The following MACROD2 variants were observed in gnomAD, a reference collection of about 807,000 sequenced individuals.
MACROD2 encodes ADP-ribose glycohydrolase MACROD2.
MACROD2 carries 36 observed loss-of-function variants against 70.4 expected under a neutral mutation model. That is an observed-to-expected ratio of 0.51 (90% CI 0.39 to 0.68). The LOEUF (loss-of-function observed/expected upper bound fraction) is 0.68, where lower values mean the gene tolerates loss of function less well. MACROD2 is among the 30% of genes least tolerant of loss of function. The probability of loss-of-function intolerance (pLI) is 0.00; values close to 1 mark genes in which losing one functional copy is unlikely to be tolerated. For missense variants in MACROD2, 496 were observed against 538.4 expected, an observed-to-expected ratio of 0.92 and a Z score of 0.78; for synonymous variants, 172 against 178.8, an observed-to-expected ratio of 0.96 and a Z score of 0.30.
At chr20:14,538,023 A>G (rs1258732232) in intron 4 of MACROD2, among the ~76,000 whole-genome samples, 1 of 152,188 alleles carries the variant, frequency 6.6e-6, no homozygotes, top group African/African-American at 2.4e-5. Context: ...GCTATTTGCT[A>G]TCTTTTCTCG....
At chr20:14,936,253 G>C (rs545091199) in intron 5 of MACROD2, among the ~76,000 whole-genome samples, 125 of 152,234 alleles carry the variant, frequency 8.2e-4, no homozygotes, top group Non-Finnish European at 1.1e-3. Context: ...AGAGATCTGG[G>C]AGAAGAGCAT....
chr20:15,605,453 CGT>C (rs57584580), intron 8 of MACROD2, among the ~76,000 whole-genome samples: 1,955 of 141,500 alleles, frequency 0.014, 14 homozygotes, highest in South Asian at 0.026. Context: ...AGGATGTAAG[CGT>C]GTGTGTGTGT....
chr20:14,934,597 GC>G (rs932836023), intron 5 of MACROD2, among the ~76,000 whole-genome samples: 4 of 152,108 alleles, frequency 2.6e-5, no homozygotes, highest in Non-Finnish European at 5.9e-5. Flanking sequence ...GACCAGCCTG[GC>G]CAACATGGTG....
chr20:14,127,313 T>G, intron 3 of MACROD2: 1 of 297,084 alleles, frequency 3.4e-6, no homozygotes, highest in Non-Finnish European at 6.4e-6. Flanking sequence ...GTGAGGAAAC[T>G]CCATAAGAAA....
At chr20:15,304,113 C>G (rs2077673010) in intron 6 of MACROD2, among the ~76,000 whole-genome samples, 1 of 152,026 alleles carries the variant, frequency 6.6e-6, no homozygotes, top group Non-Finnish European at 1.5e-5. Flanking sequence ...TTCTGTGTTT[C>G]CCAATCTATT....
At position 14,781,176 on chromosome 20, in the gene MACROD2, G is replaced by C. The variant is rs543622633; in HGVS notation, c.418+96217G>C. Reference sequence around the variant, plus strand: ...CTCAGCTGCAACTTTGTATCCATTGGCCAGTAATAGTTCCCCCTACCCCGC... The same window carrying C: ...CTCAGCTGCAACTTTGTATCCATTGCCCAGTAATAGTTCCCCCTACCCCGC... On this transcript the variant is annotated intron_variant, in intron 5 of 17. Transcript: ENST00000684519. 1.6e-3 allele frequency among the ~76,000 whole-genome samples: 240 copies of C among 152,000 alleles called. 2 individuals carry two copies. The highest frequency in any genetic ancestry group is 2.7e-3 in the Non-Finnish European group (184 of 67,982).
At chr20:14,151,263 AT>A (rs11474864) in intron 3 of MACROD2, among the ~76,000 whole-genome samples, 150,649 of 152,090 alleles carry the variant, frequency 0.99, 74,626 homozygotes, top group East Asian at 1. Context: ...CCTAGTGTAG[AT>A]TTTTTTTCTG....
intron 8 of MACROD2, among the ~76,000 whole-genome samples, chr20:15,509,847 T>G (rs1344896836): frequency 6.6e-6 from 1 of 152,214 alleles, no homozygotes; most frequent in Non-Finnish European, 1.5e-5. Context: ...ATGTGTGTCT[T>G]CTGGAGCAGG....
intron 6 of MACROD2, among the ~76,000 whole-genome samples, chr20:15,249,969 C>A (rs2077140615): frequency 1.3e-5 from 2 of 152,176 alleles, no homozygotes; most frequent in African/African-American, 4.8e-5. Context: ...TAGTATTAAA[C>A]CCTTACTACG....
At chr20:15,536,079 C>T (rs2047870784) in intron 8 of MACROD2, among the ~76,000 whole-genome samples, 1 of 152,166 alleles carries the variant, frequency 6.6e-6, no homozygotes, top group Admixed American at 6.5e-5. Flanking sequence ...AGGGTCCATG[C>T]AGTTTCACCA....
At chr20:14,938,591 G>C (rs1245985756) in intron 5 of MACROD2, among the ~76,000 whole-genome samples, 1 of 151,964 alleles carries the variant, frequency 6.6e-6, no homozygotes, top group Non-Finnish European at 1.5e-5. Flanking sequence ...GACCAGCCTG[G>C]CCAATATGGT....
intron 7 of MACROD2, among the ~76,000 whole-genome samples, chr20:15,446,515 C>T (rs1029775853): frequency 6.6e-6 from 1 of 152,194 alleles, no homozygotes; most frequent in Non-Finnish European, 1.5e-5. Flanking sequence ...AAATCTTGTA[C>T]ATGAACCCTC....
chr20:14,541,384 A>G (rs1417695041), intron 4 of MACROD2, among the ~76,000 whole-genome samples: 1 of 152,106 alleles, frequency 6.6e-6, no homozygotes, highest in Non-Finnish European at 1.5e-5. Context: ...TTCAGAGTCC[A>G]TCTTGTCGGG....
chr20:15,785,843 AAAAAT>A (rs1404732085), intron 8 of MACROD2, among the ~76,000 whole-genome samples: 4 of 152,200 alleles, frequency 2.6e-5, no homozygotes, highest in Non-Finnish European at 5.9e-5. Flanking sequence ...GACCAGTTGA[AAAAAT>A]AAGAGAAATT....
intron 8 of MACROD2, among the ~76,000 whole-genome samples, chr20:15,787,178 G>A (rs1168982968): frequency 6.6e-6 from 1 of 152,094 alleles, no homozygotes; most frequent in African/African-American, 2.4e-5. Flanking sequence ...CACCATGCTG[G>A]CCAAGCTGGT....
Position 14,009,028 on chromosome 20 carries a change from A to G in MACROD2, c.163+6624A>G, listed in dbSNP as rs189215696. Among the ~76,000 whole-genome samples the G allele has an allele frequency of 3.7e-3, 561 of 152,304 alleles. 1 individual carries two copies. The highest frequency in any genetic ancestry group is 6.2e-3 in the Non-Finnish European group (423 of 68,016). ...CAAACTAAAAATCCTGGAAGACAAC[A>G]TACGCAGTACCATTCAGGATCTAGG... On this transcript the variant is annotated intron_variant, in intron 2 of 17. Transcript: ENST00000684519.
rs1280832129 is a variant in MACROD2, at chr20:15,321,697, G to A, written c.540+91636G>A. The stretch of plus-strand genomic sequence containing the variant: ...ATATACATTAATTTTTGCAAAGATA[G>A]TGAGAAAACATTATTTTTTGCCCTG... On this transcript the variant is annotated intron_variant, in intron 6 of 17. Coordinates refer to ENST00000684519, the MANE Select transcript of MACROD2 (RefSeq NM_001351661.2). Among the ~76,000 whole-genome samples, 61 of 144,760 alleles carry A rather than the reference G, an allele frequency of 4.2e-4. 7 individuals are homozygous for A. Among genetic ancestry groups the A allele is most frequent in the Admixed American group, 4.2e-3 (61 of 14,480 alleles). The allele number at this position is 144,760 out of a possible 152,430, so 95.0% of individuals were successfully genotyped here.
chr20:14,317,145 TC>T (rs2082618790), intron 3 of MACROD2, among the ~76,000 whole-genome samples: 1 of 152,218 alleles, frequency 6.6e-6, no homozygotes, highest in African/African-American at 2.4e-5. Context: ...TTTCCTGTGC[TC>T]AGAACACTGT....
intron 3 of MACROD2, among the ~76,000 whole-genome samples, chr20:14,213,484 C>T (rs1450105575): frequency 6.8e-6 from 1 of 146,828 alleles, no homozygotes; most frequent in East Asian, 2.0e-4. Context: ...TTTACACAAG[C>T]AGTTTTGAAT....
Sources: allele counts gnomAD v4.1 joint callset (sites outside exome capture counted in the v4.1 genomes callset), GRCh38; gene constraint gnomAD v4.1.1; transcripts MANE v1.5; gene names NCBI Gene and HGNC (gene_info 2026-07-23, HGNC 2026-07-21).